The following UBE2G1 variants were observed in gnomAD, a reference collection of about 807,000 sequenced individuals.
The protein encoded by UBE2G1 is ubiquitin conjugating enzyme E2 G1.
UBE2G1 carries 5 observed loss-of-function variants against 22.7 expected under a neutral mutation model. That is an observed-to-expected ratio of 0.22 (90% CI 0.12 to 0.46). UBE2G1 has a LOEUF of 0.46. Ranked by LOEUF, UBE2G1 falls within the 20% of genes least tolerant of loss-of-function variation. UBE2G1 has a pLI of 0.99. For synonymous variants in UBE2G1, 74 were observed against 67.5 expected (o/e 1.10, Z -0.47); for missense variants, 88 against 203.9 (o/e 0.43, Z 3.46).
chr17:4,303,549 CA>C (rs1969212228), intron 2 of UBE2G1, among the ~76,000 whole-genome samples: 1 of 146,008 alleles, frequency 6.8e-6, no homozygotes, highest in Non-Finnish European at 1.5e-5. Flanking sequence ...GAGAGCTAAC[CA>C]AAGGCAGTCC....
In UBE2G1 at chr17:4,300,187, T is replaced by A. The variant is rs377023605; in HGVS notation, c.150-3373A>T. ...AAGAGAAAGCCCAAAACCCATAGAGTAGAATAACACTGTAGACTACACATT... is the reference window on the plus strand; with the variant it reads ...AAGAGAAAGCCCAAAACCCATAGAGAAGAATAACACTGTAGACTACACATT... On this transcript the variant is annotated intron_variant, in intron 2 of 5. Transcript: ENST00000396981. Among the ~76,000 whole-genome samples the A allele has an allele frequency of 5.4e-4, 81 of 151,194 alleles. 1 individual carries two copies. In the South Asian group the frequency reaches 0.016, roughly 30 times the overall value.
intron 1 of UBE2G1, chr17:4,331,702 G>C (rs1158206099): frequency 1.3e-5 from 2 of 152,188 alleles, no homozygotes; most frequent in Non-Finnish European, 2.9e-5. Flanking sequence ...CCATGGCTCT[G>C]AAAGATGAAA....
chr17:4,270,638 G>A lies in UBE2G1; in HGVS notation c.*1916C>T, dbSNP rs1470222754. ...ACATTTTGGGGCAACTATTTTTACAGTCTTTGGAAAAGGAAAAAAAAAACC... is the reference window on the plus strand; with the variant it reads ...ACATTTTGGGGCAACTATTTTTACAATCTTTGGAAAAGGAAAAAAAAAACC... On this transcript the variant is annotated 3_prime_UTR_variant, in exon 6 of 6. Transcript: ENST00000396981. 3 of 112,032 alleles carry A rather than the reference G, an allele frequency of 2.7e-5. No homozygotes were observed. In the Admixed American group the frequency reaches 2.8e-4, roughly 10 times the overall value. The allele number at this position is 112,032 out of a possible 1,614,324, so 6.9% of individuals were successfully genotyped here. A position where few individuals can be genotyped will look rare whatever the true frequency, so the allele number is the denominator to read the frequency against.
intron 5 of UBE2G1, among the ~76,000 whole-genome samples, chr17:4,274,086 T>C (rs1172646891): frequency 2.0e-5 from 3 of 151,548 alleles, no homozygotes; most frequent in Non-Finnish European, 4.4e-5. Flanking sequence ...GTTCACGCCA[T>C]TCTCCTGCCT....
At chr17:4,323,061 G>A (rs943016049) in intron 1 of UBE2G1, among the ~76,000 whole-genome samples, 4 of 152,310 alleles carry the variant, frequency 2.6e-5, no homozygotes, top group Middle Eastern at 3.4e-3. Flanking sequence ...TGCTGATAGC[G>A]AGACTGCAAC....
At chr17:4,317,358 A>G (rs1969387532) in intron 1 of UBE2G1, among the ~76,000 whole-genome samples, 1 of 150,846 alleles carries the variant, frequency 6.6e-6, no homozygotes, top group Non-Finnish European at 1.5e-5. Flanking sequence ...CTCAAAAAGA[A>G]AAAAAAAAAT....
intron 1 of UBE2G1, among the ~76,000 whole-genome samples, chr17:4,339,258 T>C (rs1042067798): frequency 6.6e-6 from 1 of 152,044 alleles, no homozygotes; most frequent in Non-Finnish European, 1.5e-5. Context: ...AGAGGTTAAG[T>C]GCCTAATTGC....
Position 4,282,940 on chromosome 17 carries a change from G to A in UBE2G1, c.427-19C>T, listed in dbSNP as rs1968912434. ...ATTCTTTCTGTAGATTAAAAAAGCA[G>A]TATCAAGTGATTTCATGCAAACTCC... On this transcript the variant is annotated intron_variant, in intron 4 of 5. Coordinates refer to ENST00000396981, the MANE Select transcript of UBE2G1 (RefSeq NM_003342.5). 6.3e-7 allele frequency: 1 copy of A among 1,593,584 alleles called. No homozygotes were observed. The highest frequency in any genetic ancestry group is 8.6e-7 in the Non-Finnish European group (1 of 1,166,914).
intron 1 of UBE2G1, among the ~76,000 whole-genome samples, chr17:4,349,716 A>C (rs778999656): frequency 8.6e-5 from 13 of 150,768 alleles, no homozygotes; most frequent in Admixed American, 7.9e-4. Context: ...GGTGGCATGC[A>C]CCAGTAGTCC....
chr17:4,315,653 T>C (rs1262912275), intron 1 of UBE2G1, among the ~76,000 whole-genome samples: 4 of 149,578 alleles, frequency 2.7e-5, no homozygotes, highest in Non-Finnish European at 4.4e-5. Flanking sequence ...GGCAGGAGAA[T>C]GGCGTGAACC....
At chr17:4,347,530 A>G (rs1245354924) in intron 1 of UBE2G1, among the ~76,000 whole-genome samples, 2 of 130,336 alleles carry the variant, frequency 1.5e-5, no homozygotes, top group African/African-American at 6.1e-5. Flanking sequence ...ACTGGAGTGC[A>G]GTGGCACAAT....
intron 2 of UBE2G1, among the ~76,000 whole-genome samples, chr17:4,297,162 T>C (rs1384418620): frequency 1.3e-5 from 2 of 152,230 alleles, no homozygotes; most frequent in Admixed American, 6.5e-5. Flanking sequence ...CCAATTTCTC[T>C]ATGTTGATTT....
At position 4,366,529 on chromosome 17, in the gene UBE2G1, A is replaced by C. The variant is rs1206800188; in HGVS notation, c.-213T>G. 1.2e-5 allele frequency: 5 copies of C among 433,050 alleles called. No individual in the cohort carries two copies. In the East Asian group the frequency reaches 1.5e-4, roughly 13 times the overall value. The allele number at this position is 433,050 out of a possible 1,614,324, so 26.8% of individuals were successfully genotyped here. A position where few individuals can be genotyped will look rare whatever the true frequency, so the allele number is the denominator to read the frequency against. On this transcript the variant is annotated 5_prime_UTR_variant, in exon 1 of 6. Transcript: ENST00000396981. ...CTTTTCACAGCGACTCACGCCCGGA[A>C]GGGGAGGGTGCCCGGGCTGCCGCGG...
chr17:4,365,368 A>C (rs1205894219), intron 1 of UBE2G1, among the ~76,000 whole-genome samples: 1 of 152,138 alleles, frequency 6.6e-6, no homozygotes, highest in Non-Finnish European at 1.5e-5. Context: ...CTCCGCGCAC[A>C]CAGTCCTAGC....
At chr17:4,300,780 T>C (rs1969168423) in intron 2 of UBE2G1, among the ~76,000 whole-genome samples, 1 of 151,328 alleles carries the variant, frequency 6.6e-6, no homozygotes, top group African/African-American at 2.4e-5. Context: ...ATGGCCGAGA[T>C]GGTGAAATCC....
intron 1 of UBE2G1, among the ~76,000 whole-genome samples, chr17:4,324,843 CAA>C (rs1382774657): frequency 9.9e-5 from 15 of 152,114 alleles, no homozygotes; most frequent in African/African-American, 3.4e-4. Flanking sequence ...TTTGGGAGGC[CAA>C]GATGGGCGGA....
chr17:4,287,044 C>CT (rs1393076631), intron 4 of UBE2G1, among the ~76,000 whole-genome samples: 1 of 151,830 alleles, frequency 6.6e-6, no homozygotes, highest in Admixed American at 6.6e-5. Context: ...GAGCAAGACT[C>CT]TGTCTCAAAA....
chr17:4,348,371 G>A (rs8076429), intron 1 of UBE2G1, among the ~76,000 whole-genome samples: 6,965 of 150,436 alleles, frequency 0.046, 577 homozygotes, highest in African/African-American at 0.16. Flanking sequence ...GGCTAAAACG[G>A]TGAAACCCCG....
intron 1 of UBE2G1, among the ~76,000 whole-genome samples, chr17:4,349,748 C>T (rs1469274644): frequency 2.0e-5 from 3 of 150,484 alleles, no homozygotes; most frequent in South Asian, 2.1e-4. Flanking sequence ...GAGGCTGAGG[C>T]AGAAGAATGG....
Sources: gnomAD v4.1 joint callset for allele counts (sites outside exome capture counted in the v4.1 genomes callset) on GRCh38, gnomAD v4.1.1 for gene constraint, MANE v1.5 for transcripts, NCBI Gene and HGNC (gene_info 2026-07-23, HGNC 2026-07-21) for gene names.